LRRC1: variants seen among roughly 807,000 people sequenced by gnomAD.
LRRC1 encodes leucine-rich repeat-containing protein 1.
LRRC1 carries 28 observed loss-of-function variants against 69.9 expected under a neutral mutation model. That is an observed-to-expected ratio of 0.40 (90% CI 0.30 to 0.55). The LOEUF (loss-of-function observed/expected upper bound fraction) is 0.55, where lower values mean the gene tolerates loss of function less well. Ranked by LOEUF, LRRC1 falls within the 20% of genes least tolerant of loss-of-function variation. The pLI is 0.47. For synonymous variants in LRRC1, 236 were observed against 240.2 expected (o/e 0.98, Z 0.16); for missense variants, 498 against 609.0 (o/e 0.82, Z 1.92).
rs199986487 is a variant in LRRC1 at position 53,897,335 on chromosome 6, A to G, written c.618A>G (p.Gly206=). The G allele has an allele frequency of 4.3e-6, 7 of 1,612,310 alleles. No homozygotes were observed. The highest frequency in any genetic ancestry group is 5.9e-6 in the Non-Finnish European group (7 of 1,178,764). Residue 206 remains glycine, a synonymous_variant, in exon 7 of 14, where the codon GGA becomes GGG. Coordinates refer to ENST00000370888, the MANE Select transcript of LRRC1 (RefSeq NM_018214.5). The stretch of plus-strand genomic sequence containing the variant: ...ATCTAAAAGATCTCTGGTTGGATGG[A>G]AATCAACTGTCAGAATTACCTCAGG... ...LLHLKDLWLD[G]NQLSELPQEI...
intron 8 of LRRC1, 41 bp downstream of exon 8, chr6:53,899,932 C>A: frequency 6.3e-7 from 1 of 1,581,674 alleles, no homozygotes; most frequent in Non-Finnish European, 8.6e-7. Flanking sequence ...ATACTGCCTG[C>A]CGTCGTCTTG....
At chr6:53,916,492 G>C (rs1768568617) in intron 11 of LRRC1, among the ~76,000 whole-genome samples, 1 of 151,958 alleles carries the variant, frequency 6.6e-6, no homozygotes, top group Non-Finnish European at 1.5e-5. Context: ...ACAGTATATA[G>C]AGCTCTCATT....
intron 2 of LRRC1, among the ~76,000 whole-genome samples, chr6:53,842,625 A>G (rs10498795): frequency 0.19 from 28,416 of 152,160 alleles, 2,912 homozygotes; most frequent in Middle Eastern, 0.32. Context: ...TTTGCTGAAC[A>G]TGATATTGAG....
intron 1 of LRRC1, among the ~76,000 whole-genome samples, chr6:53,828,624 G>A (rs945362076): frequency 5.3e-5 from 8 of 152,186 alleles, no homozygotes; most frequent in Non-Finnish European, 5.9e-5. Context: ...TGTTTTTGAT[G>A]ATTAGTATGA....
chr6:53,797,744 T>A (rs1305008588), intron 1 of LRRC1, among the ~76,000 whole-genome samples: 1 of 152,218 alleles, frequency 6.6e-6, no homozygotes, highest in African/African-American at 2.4e-5. Flanking sequence ...ACAGCCACCT[T>A]CTTTCCACTG....
At chr6:53,812,298 T>C (rs556008739) in intron 1 of LRRC1, among the ~76,000 whole-genome samples, 2 of 152,226 alleles carry the variant, frequency 1.3e-5, no homozygotes, top group South Asian at 2.1e-4. Context: ...GGGCAGAATT[T>C]AGTGACTGAC....
rs766188639 is a variant in LRRC1 at position 53,795,418 on chromosome 6, A to G, written c.159+3A>G. On this transcript the variant is annotated splice_donor_region_variant and intron_variant, in intron 1 of 13. Transcript: ENST00000370888. Reference sequence around the variant, plus strand: ...ACCAGCTCCGCGAGCTGCCCGAGGTAAGGGTCCGGCCTCACCTGAGCGCTC... The same window carrying G: ...ACCAGCTCCGCGAGCTGCCCGAGGTGAGGGTCCGGCCTCACCTGAGCGCTC... 1 of 1,609,778 alleles carries G rather than the reference A, an allele frequency of 6.2e-7. No homozygotes were observed. Among genetic ancestry groups the G allele is most frequent in the Non-Finnish European group, 8.5e-7 (1 of 1,179,240 alleles).
chr6:53,867,706 A>C (rs1254747573), intron 2 of LRRC1, among the ~76,000 whole-genome samples: 1 of 152,044 alleles, frequency 6.6e-6, no homozygotes, highest in Non-Finnish European at 1.5e-5. Flanking sequence ...GTAATCCCAA[A>C]CACTTTAGGA....
chr6:53,808,708 T>G (rs1404379123), intron 1 of LRRC1, among the ~76,000 whole-genome samples: 1 of 152,058 alleles, frequency 6.6e-6, no homozygotes, highest in Admixed American at 6.6e-5. Flanking sequence ...CCTTCCTGCT[T>G]CAAGGTCAGA....
Position 53,825,226 on chromosome 6 carries a change from A to G in LRRC1, c.160-16884A>G, listed in dbSNP as rs140981382. Among the ~76,000 whole-genome samples, 755 of 152,314 alleles carry G rather than the reference A, an allele frequency of 5.0e-3. 9 individuals carry two copies. Among genetic ancestry groups the G allele is most frequent in the African/African-American group, 0.017 (711 of 41,564 alleles). On this transcript the variant is annotated intron_variant, in intron 1 of 13. Transcript: ENST00000370888. ...TTTTTAGGTGTACTTCATAATGGCA[A>G]TAGGTTCCAAGTATTGACTATGTAA... is the stretch of plus-strand genomic sequence containing the variant.
intron 8 of LRRC1, 126 bp downstream of exon 8, chr6:53,900,017 ACT>A: frequency 5.3e-6 from 2 of 379,106 alleles, no homozygotes; most frequent in Non-Finnish European, 8.4e-6. Context: ...AAGTCTCCTT[ACT>A]GTTTTTTTTT....
At chr6:53,895,519 TTC>T (rs756936347) in intron 4 of LRRC1, among the ~76,000 whole-genome samples, 1 of 152,192 alleles carries the variant, frequency 6.6e-6, no homozygotes, top group Non-Finnish European at 1.5e-5. Flanking sequence ...ACTTTTTGTG[TTC>T]TGTGTGCTCA....
intron 4 of LRRC1, chr6:53,884,225 C>T (rs896420868): frequency 5.7e-6 from 3 of 528,662 alleles, no homozygotes; most frequent in South Asian, 2.3e-5. Flanking sequence ...AATTTTTGTG[C>T]TGGGCATGGT....
chr6:53,806,305 C>T (rs1158946552), intron 1 of LRRC1, among the ~76,000 whole-genome samples: 1 of 152,116 alleles, frequency 6.6e-6, no homozygotes, highest in African/African-American at 2.4e-5. Flanking sequence ...ATTTGAAGGG[C>T]ATCTTGGGGG....
intron 1 of LRRC1, among the ~76,000 whole-genome samples, chr6:53,831,387 T>C (rs1052554921): frequency 1.3e-5 from 2 of 152,220 alleles, no homozygotes; most frequent in Admixed American, 1.3e-4. Flanking sequence ...TGCGATATTC[T>C]ATTGCTTGAC....
At chr6:53,852,498 C>A (rs1186967412) in intron 2 of LRRC1, among the ~76,000 whole-genome samples, 1 of 152,168 alleles carries the variant, frequency 6.6e-6, no homozygotes, top group Non-Finnish European at 1.5e-5. Context: ...TCATTTAATC[C>A]ACACACTAAT....
At chr6:53,881,719 C>T (rs1177630387) in intron 3 of LRRC1, among the ~76,000 whole-genome samples, 1 of 152,144 alleles carries the variant, frequency 6.6e-6, no homozygotes, top group Non-Finnish European at 1.5e-5. Flanking sequence ...TAGAGACCAT[C>T]ACTAAAGCCA....
At chr6:53,847,458 G>A (rs1236793965) in intron 2 of LRRC1, among the ~76,000 whole-genome samples, 9 of 152,146 alleles carry the variant, frequency 5.9e-5, no homozygotes, top group Non-Finnish European at 1.3e-4. Context: ...CTCTTATGGG[G>A]CAAATGGAAC....
chr6:53,811,213 T>C (rs565164564), intron 1 of LRRC1, among the ~76,000 whole-genome samples: 35 of 152,206 alleles, frequency 2.3e-4, no homozygotes, highest in Non-Finnish European at 4.7e-4. Flanking sequence ...GAGGGCCCAG[T>C]GATGACAGGA....
Sources: allele counts gnomAD v4.1 joint callset (sites outside exome capture counted in the v4.1 genomes callset), GRCh38; gene constraint gnomAD v4.1.1; transcripts MANE v1.5; gene names NCBI Gene and HGNC (gene_info 2026-07-23, HGNC 2026-07-21).